Variants in SMARCC1 observed in about 807,000 individuals in gnomAD.
SMARCC1 encodes SWI/SNF related BAF chromatin remodeling complex subunit C1.
A neutral mutation model predicts 147.4 loss-of-function variants in SMARCC1; 43 were observed. That is an observed-to-expected ratio of 0.29 (90% CI 0.23 to 0.38). SMARCC1 has a LOEUF of 0.38. Ranked by LOEUF, SMARCC1 falls within the 10% of genes least tolerant of loss-of-function variation. SMARCC1 has a pLI of 1.00. For synonymous variants in SMARCC1, 495 were observed against 484.4 expected, an observed-to-expected ratio of 1.02 and a Z score of -0.29; for missense variants, 1,119 against 1,381.1, an observed-to-expected ratio of 0.81 and a Z score of 3.01.
At chr3:47,645,590 T>C (rs1404355751) in intron 21 of SMARCC1, among the ~76,000 whole-genome samples, 1 of 152,186 alleles carries the variant, frequency 6.6e-6, no homozygotes, top group African/African-American at 2.4e-5. Context: ...TTTTAAAATT[T>C]CTTTCTAATC....
chr3:47,643,146 T>G (rs985419144), intron 21 of SMARCC1, among the ~76,000 whole-genome samples: 1 of 152,194 alleles, frequency 6.6e-6, no homozygotes, highest in Non-Finnish European at 1.5e-5. Flanking sequence ...GTGTTCAAAG[T>G]TCAATATTCA....
intron 6 of SMARCC1, 93 bp downstream of exon 6, chr3:47,728,932 C>T: frequency 1.4e-6 from 1 of 728,114 alleles, no homozygotes; most frequent in Non-Finnish European, 2.2e-6. Flanking sequence ...AAATAAAAAG[C>T]TGGTTATTCT....
chr3:47,717,482 A>G (rs2034169874), intron 7 of SMARCC1, among the ~76,000 whole-genome samples: 1 of 152,182 alleles, frequency 6.6e-6, no homozygotes, highest in African/African-American at 2.4e-5. Flanking sequence ...ACTAATCCCA[A>G]CAGGTAGATT....
At chr3:47,771,938 TG>T (rs2034918510) in intron 2 of SMARCC1, among the ~76,000 whole-genome samples, 1 of 151,446 alleles carries the variant, frequency 6.6e-6, no homozygotes, top group South Asian at 2.1e-4. Context: ...AAAAATTAGC[TG>T]GGTGTGGTGG....
chr3:47,741,479 A>G (rs1276461573), intron 3 of SMARCC1, among the ~76,000 whole-genome samples: 1 of 151,116 alleles, frequency 6.6e-6, no homozygotes, highest in African/African-American at 2.4e-5. Context: ...TGACCCTTAA[A>G]CAACATAGGC....
At position 47,735,763 on chromosome 3, in the gene SMARCC1, CA is replaced by C. The variant is rs1212581749; in HGVS notation, c.576+270del. ...CGCGAGACTCTCTCAACCACAACAA[CA>C]AAAAAACTGGAAGATCTCTTGAGCC... On this transcript the variant is annotated intron_variant, in intron 5 of 27. Transcript: ENST00000254480. Among the ~76,000 whole-genome samples, 10 of 151,242 alleles carry C rather than the reference CA, an allele frequency of 6.6e-5. No individual in the cohort carries two copies. In the South Asian group the frequency reaches 1.9e-3, roughly 28 times the overall value.
In SMARCC1 at chr3:47,781,644, G is replaced by A. The variant is rs1224958045; in HGVS notation, c.154C>T (p.Leu52=). The change falls in exon 1 of 28, where the codon CTG becomes TTG. Residue 52 remains leucine (L), a synonymous_variant. Coordinates refer to ENST00000254480, the MANE Select transcript of SMARCC1 (RefSeq NM_003074.4). ...FWESPETVSQ[L]DSVRVWLGKH... The stretch of plus-strand genomic sequence containing the variant: ...CCCAGCCAGACCCGCACCGAATCCA[G>A]CTGGGACACCGTCTCCGGGCTCTCC... The A allele has an allele frequency of 1.9e-6, 3 of 1,556,310 alleles. No individual in the cohort carries two copies. The highest frequency in any genetic ancestry group is 2.0e-5 in the Admixed American group (1 of 51,038).
chr3:47,776,708 C>A (rs1466508721), intron 1 of SMARCC1, among the ~76,000 whole-genome samples: 1 of 151,830 alleles, frequency 6.6e-6, no homozygotes, highest in African/African-American at 2.4e-5. Context: ...GGAACCAAAT[C>A]AACATTTCAG....
chr3:47,708,162 C>T (rs181805014), intron 9 of SMARCC1, among the ~76,000 whole-genome samples: 136 of 117,758 alleles, frequency 1.2e-3, no homozygotes, highest in Non-Finnish European at 1.8e-3. Context: ...TGCAGTGGCG[C>T]GATCTCAGCT....
chr3:47,755,921 C>T (rs1163444992), intron 2 of SMARCC1, among the ~76,000 whole-genome samples: 2 of 125,236 alleles, frequency 1.6e-5, no homozygotes, highest in South Asian at 2.9e-4. Flanking sequence ...ATCCGGGAGG[C>T]GGAGGTTACG....
chr3:47,777,681 C>G (rs1313615872), intron 1 of SMARCC1, among the ~76,000 whole-genome samples: 1 of 151,790 alleles, frequency 6.6e-6, no homozygotes, highest in Non-Finnish European at 1.5e-5. Context: ...TCATGTGCCA[C>G]CACACCCGGC....
At chr3:47,775,916 G>A in intron 1 of SMARCC1, among the ~76,000 whole-genome samples, 1 of 152,130 alleles carries the variant, frequency 6.6e-6, no homozygotes, top group Non-Finnish European at 1.5e-5. Context: ...AGGAGGGCAA[G>A]GTGGACAGAT....
At chr3:47,662,270 G>A in intron 20 of SMARCC1, 64 bp downstream of exon 20, 2 of 1,344,564 alleles carry the variant, frequency 1.5e-6, no homozygotes, top group African/African-American at 1.5e-5. Context: ...GTAACGGCTG[G>A]TAATATTTAA....
At chr3:47,609,246 C>T (rs2032526912) in intron 26 of SMARCC1, among the ~76,000 whole-genome samples, 1 of 152,182 alleles carries the variant, frequency 6.6e-6, no homozygotes, top group African/African-American at 2.4e-5. Context: ...CCTATAATCC[C>T]AGCACTTTGG....
At chr3:47,715,151 T>C (rs1182070531) in intron 7 of SMARCC1, among the ~76,000 whole-genome samples, 2 of 152,198 alleles carry the variant, frequency 1.3e-5, no homozygotes, top group African/African-American at 4.8e-5. Context: ...TCCTTCTCCC[T>C]TGCTAATTTC....
intron 17 of SMARCC1, 132 bp downstream of exon 17, chr3:47,676,493 TACAC>T: frequency 4.5e-6 from 3 of 667,764 alleles, no homozygotes; most frequent in Non-Finnish European, 5.0e-6. Context: ...TACACCAAAA[TACAC>T]ACACAAGCAA....
At chr3:47,755,255 C>G (rs1457060491) in intron 2 of SMARCC1, among the ~76,000 whole-genome samples, 1 of 151,642 alleles carries the variant, frequency 6.6e-6, no homozygotes, top group Non-Finnish European at 1.5e-5. Flanking sequence ...GTAACCGCAG[C>G]ATTTTTGGAG....
chr3:47,706,613 C>T (rs1256307643), intron 9 of SMARCC1, 83 bp from the exon 10 acceptor site: 1 of 1,253,378 alleles, frequency 8.0e-7, no homozygotes, highest in African/African-American at 1.6e-5. Flanking sequence ...TGAATCTCCA[C>T]ACACAAAGAC....
intron 14 of SMARCC1, among the ~76,000 whole-genome samples, chr3:47,684,293 A>G (rs995104462): frequency 5.3e-5 from 8 of 152,064 alleles, no homozygotes; most frequent in Non-Finnish European, 7.4e-5. Flanking sequence ...CTATGCTCGA[A>G]GCATGCCACA....
Sources: allele counts gnomAD v4.1 joint callset (sites outside exome capture counted in the v4.1 genomes callset), GRCh38; gene constraint gnomAD v4.1.1; transcripts MANE v1.5; gene names NCBI Gene and HGNC (gene_info 2026-07-23, HGNC 2026-07-21).